Variants in P4HA3 observed in about 807,000 individuals in gnomAD.
The protein encoded by P4HA3 is prolyl 4-hydroxylase subunit alpha 3, also known as prolyl 4-hydroxylase subunit alpha-3.
Under a neutral mutation model 66.7 loss-of-function variants are expected in P4HA3, and 60 were observed. The ratio of observed to expected loss-of-function variants is 0.90; its 90% CI spans 0.73 to 1.12. P4HA3 has a LOEUF of 1.12. Ranked by LOEUF, P4HA3 falls within the 50% of genes most tolerant of loss-of-function variation. The pLI is 0.00. For synonymous variants in P4HA3, 263 were observed against 274.6 expected (o/e 0.96, Z 0.42); for missense variants, 683 against 685.8 (o/e 1.00, Z 0.05).
downstream of P4HA3, among the ~76,000 whole-genome samples, chr11:74,263,084 C>T (rs181793886): frequency 6.6e-5 from 10 of 152,392 alleles, no homozygotes; most frequent in East Asian, 1.9e-3. Flanking sequence ...ACCCTCTCTC[C>T]AAGCTCCCAC....
At chr11:74,253,405 G>T (rs1859754511) in intron 15 of P4HA3, 1 of 1,400,952 alleles carries the variant, frequency 7.1e-7, no homozygotes, top group South Asian at 1.2e-5. Context: ...GTGGTCATTA[G>T]GGAGGGCTTC....
intron 1 of P4HA3, among the ~76,000 whole-genome samples, chr11:74,305,491 C>T (rs1000944817): frequency 3.9e-5 from 6 of 152,126 alleles, no homozygotes; most frequent in South Asian, 2.1e-4. Flanking sequence ...GAACCCAAGT[C>T]TGACTAACTC....
At chr11:74,265,249 G>A (rs1859971984), downstream of P4HA3, among the ~76,000 whole-genome samples, 2 of 152,194 alleles carry the variant, frequency 1.3e-5, no homozygotes, top group Admixed American at 6.5e-5. Context: ...TCTTGGAACT[G>A]GAGGAGGCAG....
intron 9 of P4HA3, among the ~76,000 whole-genome samples, chr11:74,275,016 T>TA (rs1565407198): frequency 6.6e-6 from 1 of 152,024 alleles, no homozygotes; most frequent in African/African-American, 2.4e-5. Flanking sequence ...TTCTGTCCAT[T>TA]AAAAAAAATT....
intron 9 of P4HA3, among the ~76,000 whole-genome samples, chr11:74,276,446 G>C (rs1860398591): frequency 6.6e-6 from 1 of 152,016 alleles, no homozygotes; most frequent in African/African-American, 2.4e-5. Flanking sequence ...AGAGCTACTT[G>C]GGAGGCTGAG....
chr11:74,296,721 G>T (rs1861224223), intron 4 of P4HA3, among the ~76,000 whole-genome samples: 1 of 152,076 alleles, frequency 6.6e-6, no homozygotes, highest in African/African-American at 2.4e-5. Flanking sequence ...TCAATAATTG[G>T]GTACAACATT....
chr11:74,297,615 A>G (rs763996931), intron 4 of P4HA3, among the ~76,000 whole-genome samples: 11 of 152,184 alleles, frequency 7.2e-5, no homozygotes, highest in Non-Finnish European at 1.5e-4. Context: ...GAACTTCTAT[A>G]TAAGGCACAA....
At position 74,286,115 on chromosome 11, in the gene P4HA3, G is replaced by A. The variant is rs1455612164; in HGVS notation, c.933+113C>T. On this transcript the variant is annotated intron_variant, in intron 6 of 12. Coordinates refer to ENST00000331597, the MANE Select transcript of P4HA3 (RefSeq NM_182904.5). Reference sequence around the variant, plus strand: ...ATGTGGTCACTCTGATGCTGCCCAAGTGAGCTTTATTGTTTTTAATGCATC... The same window carrying A: ...ATGTGGTCACTCTGATGCTGCCCAAATGAGCTTTATTGTTTTTAATGCATC... 2.7e-6 allele frequency: 4 copies of A among 1,481,688 alleles called. No individual in the cohort carries two copies. In the African/African-American group the frequency reaches 4.2e-5, roughly 16 times the overall value. 91.8% of individuals were successfully genotyped at this position (1,481,688 alleles called of 1,614,324 possible).
At chr11:74,274,535 G>A (rs1262521094) in intron 9 of P4HA3, among the ~76,000 whole-genome samples, 1 of 150,986 alleles carries the variant, frequency 6.6e-6, no homozygotes, top group African/African-American at 2.4e-5. Context: ...GGATGGTCTC[G>A]ATCTTCTGAC....
intron 4 of P4HA3, among the ~76,000 whole-genome samples, chr11:74,296,018 A>G (rs1480467129): frequency 1.3e-5 from 2 of 152,274 alleles, no homozygotes; most frequent in East Asian, 3.8e-4. Flanking sequence ...TCAGTGTCTC[A>G]GTTAAGTTTC....
intron 5 of P4HA3, among the ~76,000 whole-genome samples, chr11:74,288,003 G>A (rs1416421494): frequency 6.6e-6 from 1 of 152,064 alleles, no homozygotes; most frequent in Non-Finnish European, 1.5e-5. Flanking sequence ...GTGACAGAAT[G>A]AGACTCTGTC....
rs571373297 is a variant in P4HA3, at chr11:74,298,333, T to G, written c.596A>C (p.His199Pro). The G allele has an allele frequency of 6.2e-7, 1 of 1,613,948 alleles. No individual in the cohort carries two copies. The highest frequency in any genetic ancestry group is 1.1e-5 in the South Asian group (1 of 91,076). ...KVAYDMGDYY[H>P]AIPWLEEAVS... ...AGCCTCCTCCAGCCATGGAATGGCATGGTAATAATCCCCCATGTCATAGGC... is the reference window on the plus strand; with the variant it reads ...AGCCTCCTCCAGCCATGGAATGGCAGGGTAATAATCCCCCATGTCATAGGC... The change falls in exon 4 of 13, where the codon CAT becomes CCT. Residue 199 changes from histidine to proline, a missense_variant. Physicochemically the swap from His to Pro is moderately conservative, Grantham distance 77. Transcript: ENST00000331597.
chr11:74,286,050 G>A (rs2134765505), intron 6 of P4HA3, 65 bp from the exon 7 acceptor site: 1 of 1,522,592 alleles, frequency 6.6e-7, no homozygotes, highest in African/African-American at 1.4e-5. Context: ...CAACTTAGGG[G>A]AACTATGGCA....
intron 4 of P4HA3, among the ~76,000 whole-genome samples, chr11:74,295,032 G>T (rs562364434): frequency 6.6e-6 from 1 of 152,134 alleles, no homozygotes; most frequent in Non-Finnish European, 1.5e-5. Context: ...GCTGTAGACC[G>T]GAGCTGTTCC....
intron 1 of P4HA3, among the ~76,000 whole-genome samples, chr11:74,305,292 T>C (rs565760894): frequency 7.2e-5 from 11 of 152,272 alleles, no homozygotes; most frequent in Admixed American, 7.2e-4. Flanking sequence ...AATGATTTGT[T>C]AAAATACTGA....
intron 10 of P4HA3, among the ~76,000 whole-genome samples, chr11:74,271,182 G>A (rs565123826): frequency 2.6e-5 from 4 of 152,294 alleles, no homozygotes; most frequent in South Asian, 2.1e-4. Context: ...AACTGACATG[G>A]TGATTTGGAA....
At position 74,291,004 on chromosome 11, in the gene P4HA3, A is replaced by G. The variant is rs933899225; in HGVS notation, c.718-1874T>C. On this transcript the variant is annotated intron_variant, in intron 4 of 12. Transcript: ENST00000331597. ...AAGAAAGTCATTGGTAGCTTGATGC[A>G]GATGGCATTGAATCTATAAATTACT... 3.9e-5 allele frequency among the ~76,000 whole-genome samples: 6 copies of G among 152,326 alleles called. No homozygotes were observed. In the South Asian group the frequency reaches 6.2e-4, roughly 16 times the overall value.
intron 8 of P4HA3, among the ~76,000 whole-genome samples, chr11:74,278,819 T>C (rs1860487484): frequency 6.6e-6 from 1 of 152,120 alleles, no homozygotes; most frequent in Non-Finnish European, 1.5e-5. Flanking sequence ...ATCTCCATCC[T>C]GAGGTCTGGC....
intron 11 of P4HA3, among the ~76,000 whole-genome samples, chr11:74,268,442 A>G (rs959408337): frequency 5.3e-5 from 8 of 152,240 alleles, no homozygotes; most frequent in African/African-American, 1.9e-4. Context: ...AGTCCCCTGC[A>G]CCCCAGGTCC....
Sources: allele counts gnomAD v4.1 joint callset (sites outside exome capture counted in the v4.1 genomes callset), GRCh38; gene constraint gnomAD v4.1.1; transcripts MANE v1.5; gene names NCBI Gene and HGNC (gene_info 2026-07-23, HGNC 2026-07-21).